The following GNG12 variants were observed in gnomAD, a reference collection of about 807,000 sequenced individuals.
GNG12 encodes guanine nucleotide-binding protein G(I)/G(S)/G(O) subunit gamma-12.
For missense variants in GNG12, 69 were observed against 83.8 expected (o/e 0.82, Z 0.69); for synonymous variants, 28 against 29.7 (o/e 0.94, Z 0.19).
At chr1:67,722,885 G>A in intron 2 of GNG12, among the ~76,000 whole-genome samples, 1 of 152,136 alleles carries the variant, frequency 6.6e-6, no homozygotes, top group Non-Finnish European at 1.5e-5. Context: ...GTTCAATTGG[G>A]ATTCTGCCAC....
intron 1 of GNG12, among the ~76,000 whole-genome samples, chr1:67,814,374 G>A (rs1462191008): frequency 1.3e-5 from 2 of 152,100 alleles, no homozygotes; most frequent in Non-Finnish European, 2.9e-5. Context: ...TAAAAATCCT[G>A]CATGTAGTGT....
chr1:67,704,040 A>G lies in GNG12; in HGVS notation c.*1411T>C, dbSNP rs1357782892. The stretch of plus-strand genomic sequence containing the variant: ...TGACTCCGAAGTGACCCTCTCTTCT[A>G]CTTTGATAAAGTCAAGATACCTTAT... On this transcript the variant is annotated 3_prime_UTR_variant, in exon 4 of 4. Coordinates refer to ENST00000370982, the MANE Select transcript of GNG12 (RefSeq NM_018841.6). The G allele has an allele frequency of 1.3e-5, 2 of 152,258 alleles. No homozygotes were observed. The highest frequency in any genetic ancestry group is 2.9e-5 in the Non-Finnish European group (2 of 68,044). 9.4% of individuals were successfully genotyped at this position (152,258 alleles called of 1,614,324 possible).
chr1:67,825,417 A>G (rs1160828509), intron 1 of GNG12, among the ~76,000 whole-genome samples: 11 of 152,216 alleles, frequency 7.2e-5, no homozygotes, highest in African/African-American at 2.2e-4. Context: ...CTTAGCAGTT[A>G]GATTCACTAA....
At chr1:67,825,103 G>A (rs1422026691) in intron 1 of GNG12, among the ~76,000 whole-genome samples, 1 of 152,206 alleles carries the variant, frequency 6.6e-6, no homozygotes, top group Non-Finnish European at 1.5e-5. Flanking sequence ...ATTTGACAGA[G>A]ATATTCCTTG....
rs766746353 is a variant in GNG12 at position 67,826,223 on chromosome 1, T to C, written c.-77+7121A>G. 2.6e-4 allele frequency among the ~76,000 whole-genome samples: 40 copies of C among 152,276 alleles called. No homozygotes were observed. The South Asian group carries it at 3.9e-3, about 15-fold the overall frequency. ...AGCTGCTGGTAGCCATATTGTGCCTTTGTGTGTGTTAAAAAAAGGCATTCC... is the reference window on the plus strand; with the variant it reads ...AGCTGCTGGTAGCCATATTGTGCCTCTGTGTGTGTTAAAAAAAGGCATTCC... On this transcript the variant is annotated intron_variant, in intron 1 of 3. Coordinates refer to ENST00000370982, the MANE Select transcript of GNG12 (RefSeq NM_018841.6).
At chr1:67,796,895 C>T (rs1012013355) in intron 1 of GNG12, among the ~76,000 whole-genome samples, 1 of 152,160 alleles carries the variant, frequency 6.6e-6, no homozygotes, top group African/African-American at 2.4e-5. Flanking sequence ...GGCTTCCACT[C>T]ATGGTGAAAG....
intron 2 of GNG12, among the ~76,000 whole-genome samples, chr1:67,771,392 G>C (rs1054691398): frequency 1.3e-5 from 2 of 152,212 alleles, no homozygotes; most frequent in Non-Finnish European, 2.9e-5. Context: ...CCAGGGTCAC[G>C]CAGGTAAGTA....
At chr1:67,822,965 T>G (rs1471025170) in intron 1 of GNG12, among the ~76,000 whole-genome samples, 1 of 152,184 alleles carries the variant, frequency 6.6e-6, no homozygotes, top group African/African-American at 2.4e-5. Flanking sequence ...TCCATGCAAC[T>G]CCGATCCCAC....
intron 2 of GNG12, among the ~76,000 whole-genome samples, chr1:67,771,555 T>A (rs1418396300): frequency 3.3e-5 from 5 of 152,226 alleles, no homozygotes; most frequent in Non-Finnish European, 7.3e-5. Flanking sequence ...CGCGAGTCCC[T>A]GAGCTAGAAA....
chr1:67,729,968 T>C (rs1385927864), intron 2 of GNG12, among the ~76,000 whole-genome samples: 1 of 152,200 alleles, frequency 6.6e-6, no homozygotes, highest in African/African-American at 2.4e-5. Context: ...GTATTGCCAT[T>C]CTAGTCCTAG....
chr1:67,781,468 C>A (rs552054224), intron 1 of GNG12, among the ~76,000 whole-genome samples: 126 of 152,254 alleles, frequency 8.3e-4, no homozygotes, highest in African/African-American at 2.9e-3. Flanking sequence ...TGACTTGAGG[C>A]CTTTACATTG....
chr1:67,830,083 G>A (rs1313536642), intron 1 of GNG12, among the ~76,000 whole-genome samples: 2 of 140,010 alleles, frequency 1.4e-5, no homozygotes, highest in Admixed American at 7.8e-5. Flanking sequence ...TCGATTCACC[G>A]CAACCTCCGC....
intron 2 of GNG12, among the ~76,000 whole-genome samples, chr1:67,709,197 C>T (rs778447605): frequency 6.6e-6 from 1 of 152,142 alleles, no homozygotes; most frequent in Non-Finnish European, 1.5e-5. Context: ...TTCAATTTAC[C>T]GTTGCACATC....
At chr1:67,756,559 G>T (rs1332674478) in intron 2 of GNG12, among the ~76,000 whole-genome samples, 1 of 152,206 alleles carries the variant, frequency 6.6e-6, no homozygotes, top group African/African-American at 2.4e-5. Flanking sequence ...TGGGGAGTGG[G>T]TTTGACTTGG....
intron 1 of GNG12, among the ~76,000 whole-genome samples, chr1:67,802,239 G>A (rs1225576836): frequency 1.3e-5 from 2 of 152,166 alleles, no homozygotes; most frequent in African/African-American, 4.8e-5. Flanking sequence ...GGAAGGAATG[G>A]ATGAAGGAAG....
At chr1:67,775,018 G>T (rs1483645179) in intron 2 of GNG12, among the ~76,000 whole-genome samples, 1 of 152,152 alleles carries the variant, frequency 6.6e-6, no homozygotes, top group Non-Finnish European at 1.5e-5. Context: ...TACTATTGTT[G>T]CTGTTATTGT....
In GNG12 at chr1:67,833,446, C is replaced by G. The variant is rs1382830526; in HGVS notation, c.-179G>C. On this transcript the variant is annotated 5_prime_UTR_variant, in exon 1 of 4. Coordinates refer to ENST00000370982, the MANE Select transcript of GNG12 (RefSeq NM_018841.6). ...CCTCCTCCTCCTCCTCTTGCTCCTCCGGGCGCCGGCTCCGCCTCGCTGGGG... is the reference window on the plus strand; with the variant it reads ...CCTCCTCCTCCTCCTCTTGCTCCTCGGGGCGCCGGCTCCGCCTCGCTGGGG... 2.4e-5 allele frequency: 24 copies of G among 985,282 alleles called. No individual in the cohort carries two copies. Among genetic ancestry groups the G allele is most frequent in the Non-Finnish European group, 2.9e-5 (24 of 830,134 alleles). The allele number at this position is 985,282 out of a possible 1,614,324, so 61.0% of individuals were successfully genotyped here.
intron 2 of GNG12, among the ~76,000 whole-genome samples, chr1:67,712,527 AAAT>A (rs1240736901): frequency 1.3e-5 from 2 of 152,130 alleles, no homozygotes; most frequent in Non-Finnish European, 2.9e-5. Flanking sequence ...TAGTCTCTAC[AAAT>A]AATAACAAAA....
rs1207751018 is a variant in GNG12 at position 67,833,392 on chromosome 1, A to G, written c.-125T>C. ...CCGTCGCCGCCGGGACTCGGTCTCT[A>G]AGGGCTCCTGGAGACGGCTCCGACC... On this transcript the variant is annotated 5_prime_UTR_variant, in exon 1 of 4. Coordinates refer to ENST00000370982, the MANE Select transcript of GNG12 (RefSeq NM_018841.6). 1.0e-6 allele frequency: 1 copy of G among 984,776 alleles called. No homozygotes were observed. The highest frequency in any genetic ancestry group is 1.8e-5 in the African/African-American group (1 of 56,892). The allele number at this position is 984,776 out of a possible 1,614,324, so 61.0% of individuals were successfully genotyped here. A position where few individuals can be genotyped will look rare whatever the true frequency, so the allele number is the denominator to read the frequency against.
Sources: allele counts gnomAD v4.1 joint callset (sites outside exome capture counted in the v4.1 genomes callset), GRCh38; gene constraint gnomAD v4.1.1; transcripts MANE v1.5; gene names NCBI Gene and HGNC (gene_info 2026-07-23, HGNC 2026-07-21).